The following SORCS2 variants were observed in gnomAD, a reference collection of about 807,000 sequenced individuals.
The protein encoded by SORCS2 is sortilin related VPS10 domain containing receptor 2.
A neutral mutation model predicts 141.6 loss-of-function variants in SORCS2; 100 were observed. That is an observed-to-expected ratio of 0.71 (90% CI 0.60 to 0.83). The LOEUF (loss-of-function observed/expected upper bound fraction) is 0.83. Ranked by LOEUF, SORCS2 falls within the 40% of genes least tolerant of loss-of-function variation. The probability of loss-of-function intolerance (pLI) is 0.00; values close to 1 mark genes in which losing one functional copy is unlikely to be tolerated. For missense variants in SORCS2, 1,646 were observed against 1,560.2 expected, an observed-to-expected ratio of 1.05 and a Z score of -0.93; for synonymous variants, 789 against 676.9, an observed-to-expected ratio of 1.17 and a Z score of -2.57.
At chr4:7,551,294 TTC>T (rs770329323) in intron 3 of SORCS2, among the ~76,000 whole-genome samples, 1,491 of 137,830 alleles carry the variant, frequency 0.011, 12 homozygotes, top group Non-Finnish European at 0.015. Context: ...GGTCTTCTTC[TTC>T]CAGTTTGGTT....
At position 7,192,792 on chromosome 4, in the gene SORCS2, C is replaced by G. The variant is rs1726922044; in HGVS notation, c.146C>G (p.Ala49Gly). ...LLLLLGACGAAGRSPEPGRLG... is the reference protein window; with the variant it reads ...LLLLLGACGAGGRSPEPGRLG... ...CTGCTGCTGGGCGCCTGCGGGGCGG[C>G]GGGGCGCTCCCCTGAGCCCGGGCGC... is the stretch of plus-strand genomic sequence containing the variant. The change falls in exon 1 of 27, where the codon GCG becomes GGG. Residue 49 changes from alanine (A) to glycine (G), a missense_variant. Coordinates refer to ENST00000507866, the MANE Select transcript of SORCS2 (RefSeq NM_020777.3). The surrounding 1 kb of genome is among the most constrained non-coding windows in gnomAD (Gnocchi z 4.0). 9.8e-7 allele frequency: 1 copy of G among 1,015,784 alleles called. No individual in the cohort carries two copies. The highest frequency in any genetic ancestry group is 5.9e-5 in the Admixed American group (1 of 17,058). The allele number at this position is 1,015,784 out of a possible 1,614,324, so 62.9% of individuals were successfully genotyped here.
At chr4:7,282,473 A>G (rs77871213) in intron 1 of SORCS2, among the ~76,000 whole-genome samples, 3,525 of 152,272 alleles carry the variant, frequency 0.023, 127 homozygotes, top group African/African-American at 0.08. Flanking sequence ...CTCAGTTTGT[A>G]TTGTTGGAGT....
At chr4:7,358,171 C>T (rs534377462) in intron 1 of SORCS2, among the ~76,000 whole-genome samples, 10 of 152,334 alleles carry the variant, frequency 6.6e-5, no homozygotes, top group African/African-American at 1.4e-4. Context: ...TTCAGAGCTG[C>T]TCAGAGTACA....
intron 1 of SORCS2, among the ~76,000 whole-genome samples, chr4:7,289,451 G>A (rs1306154251): frequency 6.6e-6 from 1 of 152,324 alleles, no homozygotes; most frequent in South Asian, 2.1e-4. Context: ...ACCCTGCCTA[G>A]CACTGAGTGG....
At chr4:7,289,844 C>T (rs559119036) in intron 1 of SORCS2, among the ~76,000 whole-genome samples, 16 of 152,300 alleles carry the variant, frequency 1.1e-4, no homozygotes, top group East Asian at 7.7e-4. Context: ...CCTCCCGAGA[C>T]GCTGCAGGGC....
intron 1 of SORCS2, among the ~76,000 whole-genome samples, chr4:7,371,848 C>G (rs907171984): frequency 2.0e-5 from 3 of 152,218 alleles, no homozygotes; most frequent in Non-Finnish European, 4.4e-5. Context: ...CACTTCGAGC[C>G]TTGGTTTCCA....
chr4:7,666,404 A>C (rs1722508162), intron 7 of SORCS2, among the ~76,000 whole-genome samples: 1 of 152,148 alleles, frequency 6.6e-6, no homozygotes, highest in Non-Finnish European at 1.5e-5. Context: ...CAACAACTGC[A>C]GAGGAAAGCT....
intron 1 of SORCS2, among the ~76,000 whole-genome samples, chr4:7,324,870 C>T (rs1054941546): frequency 2.0e-5 from 3 of 152,136 alleles, no homozygotes; most frequent in African/African-American, 7.2e-5. Context: ...TTGTCACTTC[C>T]CCAGTCGATG....
intron 1 of SORCS2, among the ~76,000 whole-genome samples, chr4:7,331,833 C>A (rs528643784): frequency 1.3e-5 from 2 of 152,166 alleles, no homozygotes; most frequent in Admixed American, 1.3e-4. Flanking sequence ...GGGAGGATGG[C>A]AGGCGCCCCA....
At chr4:7,735,110 C>T (rs553349217) in intron 25 of SORCS2, among the ~76,000 whole-genome samples, 18 of 152,232 alleles carry the variant, frequency 1.2e-4, no homozygotes, top group Non-Finnish European at 2.6e-4. Context: ...CAAAGTGACC[C>T]GGCCCCGGCA....
chr4:7,445,978 C>G (rs1042575116), intron 2 of SORCS2, among the ~76,000 whole-genome samples: 3 of 150,866 alleles, frequency 2.0e-5, no homozygotes, highest in African/African-American at 4.9e-5. Flanking sequence ...CCAAATGCCT[C>G]GAAGCTGCTT....
intron 25 of SORCS2, among the ~76,000 whole-genome samples, chr4:7,736,189 A>C (rs928108789): frequency 1.3e-5 from 2 of 152,170 alleles, no homozygotes; most frequent in African/African-American, 4.8e-5. Context: ...CAACCCAGTC[A>C]AAGCCCTCAG....
At chr4:7,682,126 A>C (rs1301693053) in intron 9 of SORCS2, among the ~76,000 whole-genome samples, 2 of 152,200 alleles carry the variant, frequency 1.3e-5, no homozygotes, top group Non-Finnish European at 2.9e-5. Flanking sequence ...ACTCTTGGAT[A>C]TGTTTGGGTC....
At chr4:7,236,407 A>G (rs746908317) in intron 1 of SORCS2, among the ~76,000 whole-genome samples, 1 of 151,974 alleles carries the variant, frequency 6.6e-6, no homozygotes, top group Non-Finnish European at 1.5e-5. Flanking sequence ...GAGTGTGTCT[A>G]TTGGCAGCAG....
intron 1 of SORCS2, among the ~76,000 whole-genome samples, chr4:7,385,206 G>C (rs530226723): frequency 1.3e-5 from 2 of 152,328 alleles, no homozygotes; most frequent in East Asian, 3.9e-4. Context: ...AGCACCTCCT[G>C]TGGCTTTTTG....
At chr4:7,238,308 C>T (rs796535872) in intron 1 of SORCS2, among the ~76,000 whole-genome samples, 1 of 151,954 alleles carries the variant, frequency 6.6e-6, no homozygotes, top group African/African-American at 2.4e-5. Flanking sequence ...GTTGCTGGTA[C>T]TGCATACAGC....
At chr4:7,580,400 G>A (rs1299253118) in intron 3 of SORCS2, among the ~76,000 whole-genome samples, 1 of 151,870 alleles carries the variant, frequency 6.6e-6, no homozygotes, top group Non-Finnish European at 1.5e-5. Flanking sequence ...TGAGCCATGA[G>A]AATCGCTTGA....
chr4:7,250,229 G>A (rs1042280852), intron 1 of SORCS2, among the ~76,000 whole-genome samples: 2 of 144,576 alleles, frequency 1.4e-5, no homozygotes, highest in Admixed American at 6.8e-5. Flanking sequence ...GTGATTGAGC[G>A]AGGGCTCTGT....
chr4:7,364,137 A>C (rs1457783246), intron 1 of SORCS2, among the ~76,000 whole-genome samples: 1 of 152,198 alleles, frequency 6.6e-6, no homozygotes, highest in Non-Finnish European at 1.5e-5. Context: ...CCACCACATC[A>C]TCATCATCAT....
Sources: allele counts gnomAD v4.1 joint callset (sites outside exome capture counted in the v4.1 genomes callset), GRCh38; gene constraint gnomAD v4.1.1; non-coding constraint Gnocchi (gnomAD v3.1); transcripts MANE v1.5; gene names NCBI Gene and HGNC (gene_info 2026-07-23, HGNC 2026-07-21).